Variants in R3HCC1 observed in about 807,000 individuals in gnomAD.
R3HCC1 encodes R3H domain and coiled-coil containing 1.
Under a neutral mutation model 40.0 loss-of-function variants are expected in R3HCC1, and 32 were observed. The ratio of observed to expected loss-of-function variants is 0.80; its 90% CI spans 0.60 to 1.07. R3HCC1 has a LOEUF of 1.07. R3HCC1 is among the 50% of genes least tolerant of loss of function. The probability of loss-of-function intolerance (pLI) is 0.00; values close to 1 mark genes in which losing one functional copy is unlikely to be tolerated. For missense variants in R3HCC1, 586 were observed against 563.3 expected (o/e 1.04, Z -0.41); for synonymous variants, 237 against 232.8 (o/e 1.02, Z -0.17).
At chr8:23,292,050 TTTCC>T (rs1802878983) in intron 5 of R3HCC1, among the ~76,000 whole-genome samples, 1 of 152,194 alleles carries the variant, frequency 6.6e-6, no homozygotes, top group Admixed American at 6.5e-5. Context: ...CCCTCCTGTC[TTTCC>T]TTCTTTTTTC....
chr8:23,291,618 CA>C, intron 5 of R3HCC1, 85 bp downstream of exon 5: 1 of 1,517,290 alleles, frequency 6.6e-7, no homozygotes, highest in Non-Finnish European at 8.9e-7. Flanking sequence ...GCCCCACACC[CA>C]GTGCCTAATG....
Position 23,294,819 on chromosome 8 carries a change from AC to A in R3HCC1, c.1148del (p.Thr383AsnfsTer21). The A allele has an allele frequency of 6.4e-7, 1 of 1,551,342 alleles. No individual in the cohort carries two copies. On this transcript the variant is annotated frameshift_variant, in exon 7 of 8. Coordinates refer to ENST00000265806, the MANE Select transcript of R3HCC1 (RefSeq NM_001136108.3). LOFTEE classifies it high-confidence loss of function. ...CTCGGTGCTCAAGATCCGGCCCCTC[AC>A]ACAGGGAACCAAGCAGTCAAAGCTC... is the stretch of plus-strand genomic sequence containing the variant.
In R3HCC1 at chr8:23,296,270, T is replaced by C; in HGVS notation, c.*173T>C. 1.4e-6 allele frequency: 1 copy of C among 740,372 alleles called. No homozygotes were observed. The highest frequency in any genetic ancestry group is 2.0e-6 in the Non-Finnish European group (1 of 493,358). The allele number at this position is 740,372 out of a possible 1,614,324, so 45.9% of individuals were successfully genotyped here. ...GAGAAAAAATAAAAACTCACGTTGT[T>C]CTAATGTGATCACTTTGAAATGTGG... is the stretch of plus-strand genomic sequence containing the variant. On this transcript the variant is annotated 3_prime_UTR_variant, in exon 8 of 8. Transcript: ENST00000265806.
chr8:23,294,703 G>A (rs1470314273), intron 6 of R3HCC1, 66 bp from the exon 7 acceptor site: 4 of 1,241,318 alleles, frequency 3.2e-6, no homozygotes, highest in Non-Finnish European at 4.6e-6. Flanking sequence ...AGGGGTTCGG[G>A]GTGGTGGGTG....
At chr8:23,294,662 T>G in intron 6 of R3HCC1, 107 bp from the exon 7 acceptor site, 3 of 855,034 alleles carry the variant, frequency 3.5e-6, no homozygotes, top group Non-Finnish European at 5.7e-6. Context: ...AGCCCTGCCC[T>G]GAGCTTTGAA....
chr8:23,288,406 C>G (rs1019712399), intron 1 of R3HCC1, 100 bp from the exon 2 acceptor site: 2 of 1,467,304 alleles, frequency 1.4e-6, no homozygotes, highest in Non-Finnish European at 1.8e-6. Flanking sequence ...GAGCCTTGGA[C>G]CAGAGGGTTT....
In R3HCC1 at chr8:23,290,045, T is replaced by G; in HGVS notation, c.428T>G (p.Leu143Arg). Reference sequence around the variant, plus strand: ...CAGCCTTTGTATGTGCCCCGGGTGCTGCGCAGGCAGGAAGAATGGGGGCTG... The same window carrying G: ...CAGCCTTTGTATGTGCCCCGGGTGCGGCGCAGGCAGGAAGAATGGGGGCTG... The change falls in exon 4 of 8, where the codon CTG (leucine) becomes CGG (arginine). Residue 143 changes from leucine to arginine, a missense_variant. Leu to Arg is a moderately radical substitution (Grantham distance 102). Transcript: ENST00000265806. 1.3e-6 allele frequency: 2 copies of G among 1,545,118 alleles called. No homozygotes were observed. Among genetic ancestry groups the G allele is most frequent in the Non-Finnish European group, 1.7e-6 (2 of 1,146,962 alleles).
intron 1 of R3HCC1, 152 bp from the exon 2 acceptor site, chr8:23,288,354 C>A: frequency 8.2e-7 from 1 of 1,214,148 alleles, no homozygotes; most frequent in Non-Finnish European, 1.1e-6. Flanking sequence ...CTTCCCTGAC[C>A]CCTGACTTGC....
rs1471416973 is a variant in R3HCC1 at position 23,290,200 on chromosome 8, C to CT, written c.584dup (p.Gly199ArgfsTer5). 9.0e-6 allele frequency: 14 copies of CT among 1,551,750 alleles called. No homozygotes were observed. Among genetic ancestry groups the CT allele is most frequent in the Non-Finnish European group, 1.2e-5 (14 of 1,146,998 alleles). ...GCTGATGACTCAGGGAACAGAGGAC[C>CT]TAAAGGGCCCAGGACAAAGGTGTGA... is the stretch of plus-strand genomic sequence containing the variant. On this transcript the variant is annotated frameshift_variant, in exon 4 of 8. Coordinates refer to ENST00000265806, the MANE Select transcript of R3HCC1 (RefSeq NM_001136108.3). LOFTEE classifies it high-confidence loss of function.
chr8:23,290,665 G>T (rs539898529), intron 4 of R3HCC1, among the ~76,000 whole-genome samples, 196 bp downstream of exon 4: 6 of 152,202 alleles, frequency 3.9e-5, no homozygotes, highest in African/African-American at 1.4e-4. Context: ...AGCCATGTAG[G>T]AGCTGCTTGA....
Position 23,296,182 on chromosome 8 carries a change from GC to G in R3HCC1, c.*89del. 1 of 1,427,706 alleles carries G rather than the reference GC, an allele frequency of 7.0e-7. No individual in the cohort carries two copies. Among genetic ancestry groups the G allele is most frequent in the Non-Finnish European group, 9.3e-7 (1 of 1,077,470 alleles). The allele number at this position is 1,427,706 out of a possible 1,614,324, so 88.4% of individuals were successfully genotyped here. A position where few individuals can be genotyped will look rare whatever the true frequency, so the allele number is the denominator to read the frequency against. The stretch of plus-strand genomic sequence containing the variant: ...ATAAGCCTTCACAGACGCCAGAGCA[GC>G]CCCGCACCACCCTCGAGCTTCACCA... On this transcript the variant is annotated 3_prime_UTR_variant, in exon 8 of 8. Transcript: ENST00000265806.
At position 23,296,075 on chromosome 8, in the gene R3HCC1, T is replaced by A. The variant is rs1243231807; in HGVS notation, c.1301T>A (p.Val434Asp). The A allele has an allele frequency of 6.5e-7, 1 of 1,550,190 alleles. No individual in the cohort carries two copies. The highest frequency in any genetic ancestry group is 8.7e-7 in the Non-Finnish European group (1 of 1,146,864). The change falls in exon 8 of 8, where the codon GTC becomes GAC. Residue 434 changes from valine (V) to aspartate (D), a missense_variant. Transcript: ENST00000265806. ...CACAAAAAGAAAGAGCGGCCTGCTG[T>A]CCGGGGTCCGCTGCCGCCCTGAGGC...
At chr8:23,294,676 G>C in intron 6 of R3HCC1, 93 bp from the exon 7 acceptor site, 1 of 952,814 alleles carries the variant, frequency 1.0e-6, no homozygotes, top group Non-Finnish European at 1.6e-6. Flanking sequence ...CTTTGAATAG[G>C]TGCACAACAC....
chr8:23,292,393 A>G (rs1017078929), intron 5 of R3HCC1, among the ~76,000 whole-genome samples: 9 of 152,182 alleles, frequency 5.9e-5, no homozygotes, highest in Non-Finnish European at 1.3e-4. Flanking sequence ...TCATGAGGTC[A>G]GGAGATCGAG....
At chr8:23,295,904 T>A in intron 7 of R3HCC1, 63 bp from the exon 8 acceptor site, 1 of 1,493,772 alleles carries the variant, frequency 6.7e-7, no homozygotes, top group Non-Finnish European at 9.0e-7. Flanking sequence ...GGCTGCTGTG[T>A]TGCTGGGGGA....
At position 23,289,959 on chromosome 8, in the gene R3HCC1, A is replaced by G; in HGVS notation, c.342A>G (p.Gly114=). Residue 114 remains glycine (G), a synonymous_variant, in exon 4 of 8, where the codon GGA becomes GGG. Transcript: ENST00000265806. ...GTCCTCGGCCCATCTCCAACCAAGG[A>G]GCAGCTGCGGTTCCCCGAGGTGCCC... 6.5e-7 allele frequency: 1 copy of G among 1,536,260 alleles called. No individual in the cohort carries two copies. Among genetic ancestry groups the G allele is most frequent in the Non-Finnish European group, 8.7e-7 (1 of 1,146,922 alleles).
chr8:23,288,699 G>A, intron 2 of R3HCC1, 66 bp downstream of exon 2: 1 of 1,519,752 alleles, frequency 6.6e-7, no homozygotes, highest in East Asian at 2.5e-5. Context: ...AGCCGCCTGT[G>A]TGCCCTCCCC....
Position 23,290,413 on chromosome 8 carries a change from G to A in R3HCC1, c.796G>A (p.Glu266Lys), listed in dbSNP as rs762880319. 2 of 1,551,700 alleles carry A rather than the reference G, an allele frequency of 1.3e-6. No individual in the cohort carries two copies. Among genetic ancestry groups the A allele is most frequent in the South Asian group, 1.2e-5 (1 of 84,052 alleles). The change falls in exon 4 of 8, where the codon GAA becomes AAA. Residue 266 changes from glutamate (E) to lysine (K), a missense_variant. By Grantham distance (56) the Glu-to-Lys change is moderately conservative (BLOSUM62 1). Coordinates refer to ENST00000265806, the MANE Select transcript of R3HCC1 (RefSeq NM_001136108.3). ...GGAGGAAGAGGACGAAGAGGAGGTG[G>A]AAGAGGATGGCCCCAGCAGCTGCTC...
intron 5 of R3HCC1, among the ~76,000 whole-genome samples, chr8:23,291,986 A>G (rs1050937503): frequency 6.6e-6 from 1 of 152,172 alleles, no homozygotes; most frequent in African/African-American, 2.4e-5. Flanking sequence ...CAGAGGCTGT[A>G]TTGAGAGACA....
Sources: allele counts gnomAD v4.1 joint callset (sites outside exome capture counted in the v4.1 genomes callset), GRCh38; gene constraint gnomAD v4.1.1; transcripts MANE v1.5; gene names NCBI Gene and HGNC (gene_info 2026-07-23, HGNC 2026-07-21).